The following CFAP251 variants were observed in gnomAD, a reference collection of about 807,000 sequenced individuals.
CFAP251 encodes cilia- and flagella-associated protein 251.
CFAP251 carries 93 observed loss-of-function variants against 126.7 expected under a neutral mutation model. The ratio of observed to expected loss-of-function variants is 0.73; its 90% CI spans 0.62 to 0.87. CFAP251 has a LOEUF of 0.87. CFAP251 is among the 40% of genes least tolerant of loss of function. The pLI is 0.00. For synonymous variants in CFAP251, 503 were observed against 506.9 expected (o/e 0.99, Z 0.10); for missense variants, 1,287 against 1,389.2 (o/e 0.93, Z 1.17).
rs1174877505 is a variant in CFAP251, at chr12:121,989,891, A to G, written c.3007-9825A>G. Among the ~76,000 whole-genome samples the G allele has an allele frequency of 6.6e-6, 1 of 152,156 alleles. No individual in the cohort carries two copies. The highest frequency in any genetic ancestry group is 2.4e-5 in the African/African-American group (1 of 41,424). ...AAACTTAATTATAGAACATAATTCT[A>G]AGGACATCAATGGCTTCCTGAGGCT... is the stretch of plus-strand genomic sequence containing the variant. On this transcript the variant is annotated intron_variant, in intron 19 of 21. Transcript: ENST00000288912. This position sits in a 1 kb window ranked among gnomAD's most constrained non-coding sequence, Gnocchi z 4.2.
rs569570992 is a variant in CFAP251 at position 121,951,242 on chromosome 12, A to T, written c.1270-238A>T. 5 of 368,016 alleles carry T rather than the reference A, an allele frequency of 1.4e-5. No homozygotes were observed. In the South Asian group the frequency reaches 2.5e-4, roughly 18 times the overall value. The allele number at this position is 368,016 out of a possible 1,614,324, so 22.8% of individuals were successfully genotyped here. On this transcript the variant is annotated intron_variant, in intron 8 of 21. Coordinates refer to ENST00000288912, the MANE Select transcript of CFAP251 (RefSeq NM_144668.6). ...TTGAAGACACCTTATTTAATATAGA[A>T]CTCCATCTCAAGAAAAAAAAAGTCA...
At chr12:121,994,536 G>A (rs1181648536) in intron 19 of CFAP251, among the ~76,000 whole-genome samples, 1 of 65,752 alleles carries the variant, frequency 1.5e-5, no homozygotes, top group East Asian at 3.7e-4. Context: ...GTGGGGAAAA[G>A]ATTGAGAAAT....
At chr12:121,927,681 C>T (rs1880473784) in intron 3 of CFAP251, among the ~76,000 whole-genome samples, 1 of 152,188 alleles carries the variant, frequency 6.6e-6, no homozygotes, top group Non-Finnish European at 1.5e-5. Flanking sequence ...CAAGGTCCTA[C>T]AGTGAACGTG....
intron 19 of CFAP251, among the ~76,000 whole-genome samples, chr12:121,993,795 T>TGG (rs571268921): frequency 9.0e-6 from 1 of 110,976 alleles, no homozygotes; most frequent in Non-Finnish European, 1.9e-5. Context: ...GGGAGGGAGG[T>TGG]GGGGGGGTCA....
intron 3 of CFAP251, among the ~76,000 whole-genome samples, chr12:121,929,973 G>A (rs372398902): frequency 1.3e-3 from 188 of 145,924 alleles, no homozygotes; most frequent in African/African-American, 4.8e-3. Context: ...CCACTGTGCC[G>A]GGCCACACTG....
At chr12:121,955,680 C>T (rs192338039) in intron 10 of CFAP251, 20 of 152,288 alleles carry the variant, frequency 1.3e-4, no homozygotes, top group Admixed American at 1.1e-3. Flanking sequence ...TGCTTCCATT[C>T]GCCTTTCTTT....
chr12:121,919,485 G>T (rs1880069061), intron 1 of CFAP251, among the ~76,000 whole-genome samples: 1 of 152,012 alleles, frequency 6.6e-6, no homozygotes, highest in Admixed American at 6.6e-5. Context: ...ATTTTTTCAA[G>T]CTGTATGTGC....
intron 19 of CFAP251, among the ~76,000 whole-genome samples, chr12:121,984,657 G>A (rs1210465744): frequency 1.3e-5 from 2 of 152,130 alleles, no homozygotes; most frequent in East Asian, 1.9e-4. Flanking sequence ...TGTTATCAAA[G>A]GAACCATAGC....
chr12:121,951,963 C>T (rs542653014), intron 9 of CFAP251, among the ~76,000 whole-genome samples: 3 of 152,068 alleles, frequency 2.0e-5, no homozygotes, highest in African/African-American at 7.2e-5. Flanking sequence ...ACCTTATGAT[C>T]CACCTACCTC....
Position 121,923,597 on chromosome 12 carries a change from C to T in CFAP251, c.379-25C>T, listed in dbSNP as rs769173157. 5.6e-5 allele frequency: 89 copies of T among 1,583,504 alleles called. No individual in the cohort carries two copies. The East Asian group carries it at 2.0e-3, about 35-fold the overall frequency. On this transcript the variant is annotated intron_variant, in intron 2 of 21. Coordinates refer to ENST00000288912, the MANE Select transcript of CFAP251 (RefSeq NM_144668.6). Reference sequence around the variant, plus strand: ...TGGTGAGTAGCAGCACATATGGAATCATGATATTTTATTTCTTTTTAAAGA... The same window carrying T: ...TGGTGAGTAGCAGCACATATGGAATTATGATATTTTATTTCTTTTTAAAGA...
intron 10 of CFAP251, among the ~76,000 whole-genome samples, chr12:121,954,654 A>AACAAAAC (rs1881658764): frequency 6.7e-6 from 1 of 149,470 alleles, no homozygotes; most frequent in Non-Finnish European, 1.5e-5. Flanking sequence ...AAAAAAAAAA[A>AACAAAAC]AAAAAAAAAA....
Position 121,948,855 on chromosome 12 carries a change from A to C in CFAP251, c.1192-129A>C, listed in dbSNP as rs2135771361. The stretch of plus-strand genomic sequence containing the variant: ...TGATATTCCTATTTTTTTTTACGAA[A>C]TGCGGTATCTTTTCTGTTTTATATT... On this transcript the variant is annotated intron_variant, in intron 7 of 21. Transcript: ENST00000288912. 5.6e-6 allele frequency: 3 copies of C among 533,790 alleles called. No individual in the cohort carries two copies. In the South Asian group the frequency reaches 8.3e-5, roughly 15 times the overall value. 33.1% of individuals were successfully genotyped at this position (533,790 alleles called of 1,614,324 possible).
At chr12:122,001,422 A>G in intron 20 of CFAP251, 75 bp from the exon 21 acceptor site, 1 of 1,298,358 alleles carries the variant, frequency 7.7e-7, no homozygotes, top group Non-Finnish European at 1.1e-6. Context: ...AGACCTCTGA[A>G]TAATAACGCT....
At chr12:121,925,118 T>C (rs1396258931) in intron 3 of CFAP251, among the ~76,000 whole-genome samples, 3 of 152,076 alleles carry the variant, frequency 2.0e-5, no homozygotes, top group Non-Finnish European at 2.9e-5. Flanking sequence ...TATCTTTACA[T>C]GACCCCAAAA....
Position 121,923,862 on chromosome 12 carries a change from G to A in CFAP251, c.619G>A (p.Glu207Lys). ...ERRDLEPENR[E>K]EGQERRVSDI... ...AAGGGACTTGGAGCCAGAAAACAGA[G>A]AGGAGGGACAAGAAAGGAGAGTATC... Residue 207 changes from glutamate (E) to lysine (K), a missense_variant, in exon 3 of 22, where the codon GAG (glutamate) becomes AAG (lysine). Physicochemically the swap from Glu to Lys is moderately conservative, Grantham distance 56 (BLOSUM62 1). Coordinates refer to ENST00000288912, the MANE Select transcript of CFAP251 (RefSeq NM_144668.6). 2.5e-6 allele frequency: 4 copies of A among 1,614,160 alleles called. No individual in the cohort carries two copies. The highest frequency in any genetic ancestry group is 1.6e-4 in the Middle Eastern group (1 of 6,062).
chr12:121,976,197 C>T (rs830115), intron 19 of CFAP251, among the ~76,000 whole-genome samples: 39,578 of 151,562 alleles, frequency 0.26, 6,103 homozygotes, highest in East Asian at 0.49. Flanking sequence ...TTAGTAGAGA[C>T]GAGGCTTCAC....
chr12:121,929,231 G>T (rs1307173794), intron 3 of CFAP251, among the ~76,000 whole-genome samples: 2 of 150,910 alleles, frequency 1.3e-5, no homozygotes, highest in South Asian at 2.1e-4. Flanking sequence ...TGAGGCAGGA[G>T]ACTCTCTTGA....
chr12:121,943,585 G>T (rs986253940), intron 7 of CFAP251, among the ~76,000 whole-genome samples: 11 of 151,928 alleles, frequency 7.2e-5, no homozygotes, highest in African/African-American at 2.7e-4. Context: ...ACCACGCCTG[G>T]CTAATTTTGT....
At chr12:121,980,584 G>A (rs1394902328) in intron 19 of CFAP251, among the ~76,000 whole-genome samples, 1 of 152,050 alleles carries the variant, frequency 6.6e-6, no homozygotes, top group Non-Finnish European at 1.5e-5. Context: ...CTGAGCTCGA[G>A]CCATCCACCC....
Sources: gnomAD v4.1 joint callset for allele counts (sites outside exome capture counted in the v4.1 genomes callset) on GRCh38, gnomAD v4.1.1 for gene constraint, Gnocchi (gnomAD v3.1) non-coding constraint, MANE v1.5 for transcripts, NCBI Gene and HGNC (gene_info 2026-07-23, HGNC 2026-07-21) for gene names.